RTN4RL1: variants seen among roughly 807,000 people sequenced by gnomAD.
RTN4RL1 encodes the protein reticulon 4 receptor like 1, also known as reticulon-4 receptor-like 1.
A neutral mutation model predicts 25.6 loss-of-function variants in RTN4RL1; 7 were observed. The ratio of observed to expected loss-of-function variants is 0.27; its 90% CI spans 0.16 to 0.51. The LOEUF is 0.51. RTN4RL1 is among the 20% of genes least tolerant of loss of function. The pLI is 0.97. For synonymous variants in RTN4RL1, 297 were observed against 288.2 expected (o/e 1.03, Z -0.31); for missense variants, 500 against 615.6 (o/e 0.81, Z 1.99).
chr17:1,980,464 G>C (rs1357489535), intron 1 of RTN4RL1, among the ~76,000 whole-genome samples: 1 of 152,058 alleles, frequency 6.6e-6, no homozygotes, highest in African/African-American at 2.4e-5. Context: ...AAAAGCTTCG[G>C]CTATTCGGTG....
chr17:1,947,831 C>T (rs941583673), intron 1 of RTN4RL1, among the ~76,000 whole-genome samples: 5 of 152,224 alleles, frequency 3.3e-5, no homozygotes, highest in African/African-American at 9.6e-5. Context: ...GACCGGCCCC[C>T]GTGGCAGCAC....
chr17:1,972,672 T>C (rs1477495273), intron 1 of RTN4RL1, among the ~76,000 whole-genome samples: 1 of 152,220 alleles, frequency 6.6e-6, no homozygotes, highest in African/African-American at 2.4e-5. Context: ...CATCATTTCC[T>C]GAGTAAAAGT....
chr17:1,997,293 C>G (rs1288803666), intron 1 of RTN4RL1, among the ~76,000 whole-genome samples: 1 of 152,198 alleles, frequency 6.6e-6, no homozygotes, highest in Non-Finnish European at 1.5e-5. Context: ...TTTGCACTTC[C>G]TACAGACTTT....
chr17:1,945,386 C>T (rs1240483797), intron 1 of RTN4RL1, among the ~76,000 whole-genome samples: 1 of 152,154 alleles, frequency 6.6e-6, no homozygotes, highest in Non-Finnish European at 1.5e-5. Context: ...CCATGCCCGG[C>T]TAATTTTTGT....
intron 1 of RTN4RL1, among the ~76,000 whole-genome samples, chr17:1,975,005 TG>T (rs1213380025): frequency 6.6e-6 from 1 of 152,206 alleles, no homozygotes; most frequent in Non-Finnish European, 1.5e-5. Context: ...CATCTTTCCA[TG>T]GGGTAGAATC....
chr17:1,954,254 TA>T (rs1433325469), intron 1 of RTN4RL1, among the ~76,000 whole-genome samples: 6 of 152,078 alleles, frequency 3.9e-5, no homozygotes, highest in Non-Finnish European at 8.8e-5. Flanking sequence ...TGCTTACTAC[TA>T]AAAAAAAGTC....
chr17:1,955,653 G>A (rs1332101722), intron 1 of RTN4RL1, among the ~76,000 whole-genome samples: 3 of 151,314 alleles, frequency 2.0e-5, no homozygotes, highest in Admixed American at 6.6e-5. Context: ...GCGCGATCTC[G>A]GCTCACTGCA....
At chr17:1,987,193 T>A (rs1222246511) in intron 1 of RTN4RL1, among the ~76,000 whole-genome samples, 1 of 151,730 alleles carries the variant, frequency 6.6e-6, no homozygotes, top group Non-Finnish European at 1.5e-5. Flanking sequence ...GCCGGTCCCC[T>A]CCCCCAGCTC....
At position 1,966,635 on chromosome 17, in the gene RTN4RL1, G is replaced by T. The variant is rs112237024; in HGVS notation, c.14-28827C>A. ...TTGGGGTTCCCTGTCTGTGTGGCCCGAAGTTCCAGGGACTGCCCCCACCCA... is the reference window on the plus strand; with the variant it reads ...TTGGGGTTCCCTGTCTGTGTGGCCCTAAGTTCCAGGGACTGCCCCCACCCA... On this transcript the variant is annotated intron_variant, in intron 1 of 1. Transcript: ENST00000331238. 2.7e-4 allele frequency among the ~76,000 whole-genome samples: 41 copies of T among 152,188 alleles called. 1 individual carries two copies. Among genetic ancestry groups the T allele is most frequent in the African/African-American group, 9.2e-4 (38 of 41,526 alleles).
Position 1,970,646 on chromosome 17 carries a change from G to T in RTN4RL1, c.14-32838C>A, listed in dbSNP as rs142221573. Among the ~76,000 whole-genome samples, 28 of 152,258 alleles carry T rather than the reference G, an allele frequency of 1.8e-4. No individual in the cohort carries two copies. In the East Asian group the frequency reaches 4.3e-3, roughly 23 times the overall value. ...TTGGTCTCTGTGCCCTCGGCATCTA[G>T]CAGGGTGCCTGTCCGAGTCAGTGCT... On this transcript the variant is annotated intron_variant, in intron 1 of 1. Coordinates refer to ENST00000331238, the MANE Select transcript of RTN4RL1 (RefSeq NM_178568.4).
intron 1 of RTN4RL1, among the ~76,000 whole-genome samples, chr17:1,946,977 ATG>A (rs147354240): frequency 7.4e-6 from 1 of 135,936 alleles, no homozygotes; most frequent in South Asian, 2.4e-4. Flanking sequence ...CTCTGTGTGA[ATG>A]TGTGTGCATG....
At chr17:2,024,041 C>T (rs1260030129) in intron 1 of RTN4RL1, among the ~76,000 whole-genome samples, 2 of 152,170 alleles carry the variant, frequency 1.3e-5, no homozygotes, top group African/African-American at 4.8e-5. Context: ...GATCACCTGC[C>T]CTCCCAGGGC....
In RTN4RL1 at chr17:1,936,500, C is replaced by A. The variant is rs903237164; in HGVS notation, c.1322G>T (p.Arg441Leu). ...GGGTGCTGACGCCCTGGGTCCTCAG[C>A]GGAGAGTGACCGCCAGCCCCAGTGT... ...AWTLGLAVTL[R>L] The change falls in exon 2 of 2, where the codon CGC (arginine) becomes CTC (leucine). Residue 441 changes from arginine to leucine, a missense_variant. By Grantham distance (102) the Arg-to-Leu change is moderately radical. This residue lies in a region of RTN4RL1 where 268 missense variants were observed against 274.5 expected (regional missense o/e 0.98). Transcript: ENST00000331238. 1.3e-6 allele frequency: 2 copies of A among 1,543,332 alleles called. No individual in the cohort carries two copies. Among genetic ancestry groups the A allele is most frequent in the Non-Finnish European group, 1.7e-6 (2 of 1,147,644 alleles).
chr17:2,010,478 A>G (rs1468910661), intron 1 of RTN4RL1, among the ~76,000 whole-genome samples: 1 of 151,916 alleles, frequency 6.6e-6, no homozygotes, highest in Non-Finnish European at 1.5e-5. Context: ...CTCTGTCTCA[A>G]TATATATATA....
rs144744834 is a variant in RTN4RL1 at position 1,961,570 on chromosome 17, C to T, written c.14-23762G>A. 2.7e-3 allele frequency among the ~76,000 whole-genome samples: 410 copies of T among 151,892 alleles called. 4 individuals carry two copies. The highest frequency in any genetic ancestry group is 9.6e-3 in the African/African-American group (397 of 41,418). On this transcript the variant is annotated intron_variant, in intron 1 of 1. Transcript: ENST00000331238. ...AAGAAAGGGTGGAGTCTCTTTTGTTCGTTTCTTCTTCCCTCCTCCCACTCT... is the reference window on the plus strand; with the variant it reads ...AAGAAAGGGTGGAGTCTCTTTTGTTTGTTTCTTCTTCCCTCCTCCCACTCT...
intron 1 of RTN4RL1, among the ~76,000 whole-genome samples, chr17:1,982,304 A>G (rs1206622586): frequency 1.4e-5 from 2 of 146,734 alleles, no homozygotes; most frequent in Non-Finnish European, 3.0e-5. Flanking sequence ...TTGTCTCAAA[A>G]AGAAAAGAGA....
At chr17:1,987,927 G>A (rs2066893831) in intron 1 of RTN4RL1, among the ~76,000 whole-genome samples, 1 of 151,622 alleles carries the variant, frequency 6.6e-6, no homozygotes, top group Non-Finnish European at 1.5e-5. Context: ...CCAACATGGT[G>A]AAACACCATC....
Position 1,935,750 on chromosome 17 carries a change from T to G in RTN4RL1, c.*746A>C. The G allele has an allele frequency of 3.5e-6, 1 of 285,272 alleles. No individual in the cohort carries two copies. The highest frequency in any genetic ancestry group is 5.0e-6 in the Non-Finnish European group (1 of 199,534). The allele number at this position is 285,272 out of a possible 1,614,324, so 17.7% of individuals were successfully genotyped here. Reference sequence around the variant, plus strand: ...ATATATATATATATATATATATATATATATGTAGAGTGTGAATATATATAA... The same window carrying G: ...ATATATATATATATATATATATATAGATATGTAGAGTGTGAATATATATAA... On this transcript the variant is annotated 3_prime_UTR_variant, in exon 2 of 2. Coordinates refer to ENST00000331238, the MANE Select transcript of RTN4RL1 (RefSeq NM_178568.4).
intron 1 of RTN4RL1, among the ~76,000 whole-genome samples, chr17:2,010,960 AACGTTTGTCG>A (rs1434099072): frequency 6.6e-6 from 1 of 152,082 alleles, no homozygotes; most frequent in Non-Finnish European, 1.5e-5. Flanking sequence ...TTGTTAAATA[AACGTTTGTCG>A]GCCGGGCGCG....
Sources: gnomAD v4.1 joint callset for allele counts (sites outside exome capture counted in the v4.1 genomes callset) on GRCh38, gnomAD v4.1.1 for gene constraint, gnomAD v4.1.1 regional missense constraint, MANE v1.5 for transcripts, NCBI Gene and HGNC (gene_info 2026-07-23, HGNC 2026-07-21) for gene names.